Variants in VWDE observed in about 807,000 individuals in gnomAD.
VWDE encodes von Willebrand factor D and EGF domains.
Under a neutral mutation model 178.4 loss-of-function variants are expected in VWDE, and 207 were observed. The observed-to-expected ratio is 1.16, with a 90% CI of 1.04 to 1.30. The LOEUF is 1.30. Among genes scored for constraint, VWDE ranks in the 50% most tolerant of loss-of-function variants. The pLI is 0.00. For missense variants in VWDE, 2,287 were observed against 1,901.3 expected (o/e 1.20, Z -3.77); for synonymous variants, 738 against 651.4 (o/e 1.13, Z -2.02).
intron 27 of VWDE, among the ~76,000 whole-genome samples, chr7:12,335,773 A>G (rs1780987698): frequency 6.6e-6 from 1 of 151,998 alleles, no homozygotes; most frequent in Admixed American, 6.6e-5. Context: ...TTAATTTTTA[A>G]TACATTTTCA....
rs1464732981 is a variant in VWDE at position 12,336,207 on chromosome 7, C to T, written c.4588G>A (p.Gly1530Ser). 5 of 1,551,124 alleles carry T rather than the reference C, an allele frequency of 3.2e-6. No homozygotes were observed. Among genetic ancestry groups the T allele is most frequent in the Non-Finnish European group, 2.6e-6 (3 of 1,146,846 alleles). The change falls in exon 27 of 29, where the codon GGT becomes AGT. Residue 1530 changes from glycine to serine, a missense_variant. Transcript: ENST00000275358. ...PICLQKCKNGGECIAPSICHC... is the reference protein window; with the variant it reads ...PICLQKCKNGSECIAPSICHC... ...CATATGCTGGGCGCAATGCATTCACCACCGTTTTTACATTTCTGCAAGCAG... is the reference window on the plus strand; with the variant it reads ...CATATGCTGGGCGCAATGCATTCACTACCGTTTTTACATTTCTGCAAGCAG...
chr7:12,365,510 A>G lies in VWDE; in HGVS notation c.2898+1847T>C, dbSNP rs887200065. On this transcript the variant is annotated intron_variant, in intron 13 of 28. Transcript: ENST00000275358. Reference sequence around the variant, plus strand: ...ATGCTAGATTTTAAAGAGGAACCCAATCTTCGAAGGGAACTGAAATTTGAA... The same window carrying G: ...ATGCTAGATTTTAAAGAGGAACCCAGTCTTCGAAGGGAACTGAAATTTGAA... Among the ~76,000 whole-genome samples the G allele has an allele frequency of 2.0e-5, 3 of 152,246 alleles. No homozygotes were observed. In the East Asian group the frequency reaches 5.8e-4, roughly 29 times the overall value.
At position 12,343,151 on chromosome 7, in the gene VWDE, C is replaced by T. The variant is rs1781419410; in HGVS notation, c.4106G>A (p.Gly1369Asp). 1 of 1,549,462 alleles carries T rather than the reference C, an allele frequency of 6.5e-7. No homozygotes were observed. The highest frequency in any genetic ancestry group is 1.4e-5 in the African/African-American group (1 of 72,926). ...EEHCNPPCQH[G>D]GTCLAGNLCT... ...GAGATTCCCAGCCAAGCATGTGCCA[C>T]CATGTTGACAAGGTGGGTTACAATG... Residue 1369 changes from glycine to aspartate, a missense_variant, in exon 22 of 29, where the codon GGT becomes GAT. Coordinates refer to ENST00000275358, the MANE Select transcript of VWDE (RefSeq NM_001135924.3).
rs1210319508 is a variant in VWDE at position 12,389,237 on chromosome 7, G to C, written c.365C>G (p.Thr122Ser). The change falls in exon 3 of 29, where the codon ACT (threonine) becomes AGT (serine). Residue 122 changes from threonine (T) to serine (S), a missense_variant. By Grantham distance (58) the Thr-to-Ser change is moderately conservative. Coordinates refer to ENST00000275358, the MANE Select transcript of VWDE (RefSeq NM_001135924.3). ...ACATWQFLFSTTKDCCLFQIP... is the reference protein window; with the variant it reads ...ACATWQFLFSSTKDCCLFQIP... ...TTGAAAGAGACAGCAGTCTTTTGTAGTGCTGAACAAAAACTGCCATGTTGC... is the reference window on the plus strand; with the variant it reads ...TTGAAAGAGACAGCAGTCTTTTGTACTGCTGAACAAAAACTGCCATGTTGC... 3 of 1,551,484 alleles carry C rather than the reference G, an allele frequency of 1.9e-6. No homozygotes were observed. The highest frequency in any genetic ancestry group is 2.6e-6 in the Non-Finnish European group (3 of 1,146,948).
chr7:12,382,900 T>C (rs1347658487), intron 4 of VWDE, among the ~76,000 whole-genome samples: 1 of 151,742 alleles, frequency 6.6e-6, no homozygotes, highest in Non-Finnish European at 1.5e-5. Flanking sequence ...TTTAAAATAT[T>C]TAAAAAATAG....
At chr7:12,351,987 G>A (rs6460934) in intron 18 of VWDE, among the ~76,000 whole-genome samples, 19,572 of 152,038 alleles carry the variant, frequency 0.13, 1,427 homozygotes, top group East Asian at 0.19. Context: ...GATCATAAGA[G>A]TGGCACCCTA....
At chr7:12,401,409 A>G (rs544774342) in intron 1 of VWDE, among the ~76,000 whole-genome samples, 13 of 152,266 alleles carry the variant, frequency 8.5e-5, no homozygotes, top group African/African-American at 3.1e-4. Flanking sequence ...ATCCAATAAG[A>G]AAATTATATC....
intron 1 of VWDE, among the ~76,000 whole-genome samples, chr7:12,399,169 C>A (rs1343200034): frequency 1.3e-5 from 2 of 152,060 alleles, no homozygotes; most frequent in Non-Finnish European, 2.9e-5. Flanking sequence ...GCTTTCTTTA[C>A]GTATCAAAAG....
chr7:12,383,425 G>C, intron 4 of VWDE, 111 bp downstream of exon 4: 1 of 872,464 alleles, frequency 1.1e-6, no homozygotes, highest in East Asian at 2.8e-5. Flanking sequence ...CCAGACTTTG[G>C]TTATATCAAA....
At chr7:12,336,712 C>T (rs988990922) in intron 26 of VWDE, among the ~76,000 whole-genome samples, 2 of 152,094 alleles carry the variant, frequency 1.3e-5, no homozygotes, top group Non-Finnish European at 1.5e-5. Flanking sequence ...TTCCCCAACC[C>T]CAACTTCAGG....
rs1402596599 is a variant in VWDE, at chr7:12,351,622, A to T, written c.3837T>A (p.Asn1279Lys). Residue 1279 changes from asparagine to lysine, a missense_variant, in exon 19 of 29, where the codon AAT (asparagine) becomes AAA (lysine). By Grantham distance (94) the Asn-to-Lys change is moderately conservative. Transcript: ENST00000275358. ...TAACATGCCTCTTTCTCCCTTGGGC[A>T]TTTTTATCATCCTCTTCTTTATTTA... ...KSVNKEEDDK[N>K]AQGRKRHVKP... 6.5e-7 allele frequency: 1 copy of T among 1,549,158 alleles called. No homozygotes were observed. The highest frequency in any genetic ancestry group is 2.0e-5 in the Admixed American group (1 of 50,796).
chr7:12,337,530 A>G (rs1043716895), intron 24 of VWDE, among the ~76,000 whole-genome samples: 1 of 152,190 alleles, frequency 6.6e-6, no homozygotes, highest in African/African-American at 2.4e-5. Flanking sequence ...ATTACAATGA[A>G]TATATTATAA....
rs1309215792 is a variant in VWDE at position 12,390,604 on chromosome 7, T to C, written c.244-1246A>G. Among the ~76,000 whole-genome samples the C allele has an allele frequency of 2.6e-5, 4 of 151,656 alleles. No individual in the cohort carries two copies. In the East Asian group the frequency reaches 7.7e-4, roughly 29 times the overall value. ...AAATTATATGTAAATAGTACTATAT[T>C]GTGTTATATTTATGTATAATTATAC... is the stretch of plus-strand genomic sequence containing the variant. On this transcript the variant is annotated intron_variant, in intron 2 of 28. Transcript: ENST00000275358.
chr7:12,398,126 G>C (rs1052779267), intron 1 of VWDE, among the ~76,000 whole-genome samples: 4 of 152,148 alleles, frequency 2.6e-5, no homozygotes, highest in African/African-American at 7.2e-5. Flanking sequence ...CATCCCAGCA[G>C]TATTCACAGT....
chr7:12,342,275 G>C, intron 22 of VWDE, 121 bp from the exon 23 acceptor site: 1 of 606,718 alleles, frequency 1.6e-6, no homozygotes, highest in African/African-American at 1.8e-5. Context: ...TGCAGAGAAA[G>C]ATAAAATACA....
intron 27 of VWDE, among the ~76,000 whole-genome samples, chr7:12,335,840 T>C (rs1462798053): frequency 6.6e-6 from 1 of 152,186 alleles, no homozygotes; most frequent in Non-Finnish European, 1.5e-5. Context: ...GAAATAATAT[T>C]TAAACTTCTA....
chr7:12,388,372 C>T (rs1784208368), intron 3 of VWDE, among the ~76,000 whole-genome samples: 1 of 151,552 alleles, frequency 6.6e-6, no homozygotes, highest in Non-Finnish European at 1.5e-5. Flanking sequence ...CAGGTTTCTC[C>T]ACTGTAAAAT....
intron 22 of VWDE, among the ~76,000 whole-genome samples, 195 bp downstream of exon 22, chr7:12,342,888 T>C (rs375177228): frequency 8.7e-5 from 13 of 150,050 alleles, no homozygotes; most frequent in Admixed American, 6.7e-4. Context: ...TGTGTCCATG[T>C]GATCCCATTG....
At position 12,393,627 on chromosome 7, in the gene VWDE, G is replaced by T. The variant is rs572078857; in HGVS notation, c.210C>A (p.Asp70Glu). The T allele has an allele frequency of 1.2e-4, 188 of 1,550,666 alleles. 1 individual carries two copies. In the South Asian group the frequency reaches 2.1e-3, roughly 18 times the overall value. ...ATTTGGTTGGCATCTCGGCAGGTCT[G>T]TCAAGGATGAGAAATCTATACCATC... is the stretch of plus-strand genomic sequence containing the variant. ...SPGWYRFLIL[D>E]RPAEMPTKCV... Residue 70 changes from aspartate to glutamate, a missense_variant, in exon 2 of 29, where the codon GAC becomes GAA. Coordinates refer to ENST00000275358, the MANE Select transcript of VWDE (RefSeq NM_001135924.3).
Sources: allele counts gnomAD v4.1 joint callset (sites outside exome capture counted in the v4.1 genomes callset), GRCh38; gene constraint gnomAD v4.1.1; transcripts MANE v1.5; gene names NCBI Gene and HGNC (gene_info 2026-07-23, HGNC 2026-07-21).